The following ROBO2 variants were observed in gnomAD, a reference collection of about 807,000 sequenced individuals.
The protein encoded by ROBO2 is roundabout homolog 2.
A neutral mutation model predicts 160.8 loss-of-function variants in ROBO2; 53 were observed. That is an observed-to-expected ratio of 0.33 (90% CI 0.26 to 0.41). The LOEUF (loss-of-function observed/expected upper bound fraction) is 0.41, where lower values mean the gene tolerates loss of function less well. Among genes scored for constraint, ROBO2 ranks in the 10% least tolerant of loss-of-function variants. The probability of loss-of-function intolerance (pLI) is 1.00; values close to 1 mark genes in which losing one functional copy is unlikely to be tolerated. For synonymous variants in ROBO2, 664 were observed against 611.7 expected, an observed-to-expected ratio of 1.09 and a Z score of -1.26; for missense variants, 1,577 against 1,722.4, an observed-to-expected ratio of 0.92 and a Z score of 1.49.
intron 2 of ROBO2, among the ~76,000 whole-genome samples, chr3:77,105,265 T>C (rs1442671625): frequency 6.6e-6 from 1 of 152,238 alleles, no homozygotes; most frequent in Non-Finnish European, 1.5e-5. Flanking sequence ...TCAACTTAAA[T>C]GCAAACTCCG....
rs530561660 is a variant in ROBO2 at position 77,106,890 on chromosome 3, C to T, written c.388+8550C>T. Among the ~76,000 whole-genome samples the T allele has an allele frequency of 8.5e-5, 13 of 152,314 alleles. No individual in the cohort carries two copies. The South Asian group carries it at 2.5e-3, about 29-fold the overall frequency. On this transcript the variant is annotated intron_variant, in intron 2 of 25. Transcript: ENST00000461745. The stretch of plus-strand genomic sequence containing the variant: ...ACTCTATGAAAGCATTACTGAGCCC[C>T]AGGTTGGGTTGTTTCTCTAAACTAT...
chr3:77,624,956 T>C (rs1276433426), intron 23 of ROBO2, among the ~76,000 whole-genome samples: 6 of 152,194 alleles, frequency 3.9e-5, no homozygotes, highest in Non-Finnish European at 8.8e-5. Context: ...TAAGCCTGTA[T>C]GTAAAATTAT....
chr3:76,982,359 C>T (rs1275857594), intron 2 of ROBO2, among the ~76,000 whole-genome samples: 3 of 152,114 alleles, frequency 2.0e-5, no homozygotes, highest in African/African-American at 4.8e-5. Flanking sequence ...TACTATTGCA[C>T]CATTGTTGAA....
intron 2 of ROBO2, among the ~76,000 whole-genome samples, chr3:76,553,840 T>C (rs769789901): frequency 6.6e-6 from 1 of 152,162 alleles, no homozygotes; most frequent in Non-Finnish European, 1.5e-5. Context: ...GCAATGAAAT[T>C]GTGTATCAGC....
At chr3:77,493,534 T>G (rs1227988061) in intron 5 of ROBO2, 152 bp downstream of exon 5, 1 of 838,130 alleles carries the variant, frequency 1.2e-6, no homozygotes, top group Non-Finnish European at 2.0e-6. Context: ...TATTTACTGT[T>G]TGTATGTTAA....
chr3:76,175,891 G>A (rs2073212011), intron 2 of ROBO2, among the ~76,000 whole-genome samples: 1 of 152,044 alleles, frequency 6.6e-6, no homozygotes, highest in Admixed American at 6.6e-5. Context: ...CTCATCCTAT[G>A]TAGTTTTTCT....
chr3:76,033,734 G>A (rs1358664708), intron 2 of ROBO2, among the ~76,000 whole-genome samples: 3 of 152,188 alleles, frequency 2.0e-5, no homozygotes, highest in African/African-American at 7.2e-5. Flanking sequence ...GGCTGGGACA[G>A]CTCACCTGGA....
Position 76,579,081 on chromosome 3 carries a change from C to T in ROBO2, c.110-518933C>T, listed in dbSNP as rs545302512. Reference sequence around the variant, plus strand: ...TACTTCGATCATTTTGGATTTCTTCCTGGACCACTAACTTTGCTCCCTATA... The same window carrying T: ...TACTTCGATCATTTTGGATTTCTTCTTGGACCACTAACTTTGCTCCCTATA... On this transcript the variant is annotated intron_variant, in intron 2 of 26. Coordinates refer to the ROBO2 transcript ENST00000487694. Among the ~76,000 whole-genome samples, 10 of 152,234 alleles carry T rather than the reference C, an allele frequency of 6.6e-5. No homozygotes were observed. In the South Asian group the frequency reaches 2.1e-3, roughly 32 times the overall value.
rs192160000 is a variant in ROBO2, at chr3:77,324,905, A to G, written c.389-152509A>G. On this transcript the variant is annotated intron_variant, in intron 2 of 25. Coordinates refer to ENST00000461745, the Ensembl canonical transcript of ROBO2. ...CAGAAATAGAAAAACTCTAACAAGA[A>G]CCTCAGATTCAGCCAATGTGCCACC... Among the ~76,000 whole-genome samples the G allele has an allele frequency of 2.8e-4, 42 of 152,282 alleles. No individual in the cohort carries two copies. The East Asian group carries it at 7.7e-3, about 28-fold the overall frequency.
chr3:76,176,855 T>G (rs2107061609), intron 2 of ROBO2, among the ~76,000 whole-genome samples: 1 of 152,194 alleles, frequency 6.6e-6, no homozygotes, highest in East Asian at 1.9e-4. Flanking sequence ...GTCATTTCCG[T>G]TTTATAGTAG....
rs1581772090 is a variant in ROBO2, at chr3:77,416,597, A to T, written c.389-60817A>T. On this transcript the variant is annotated intron_variant, in intron 2 of 25. Transcript: ENST00000461745. ...CCAGGTGCAGTGGCAGGTGCCTGTA[A>T]TCCCAGCTACTCAGGAGGCTGAGGC... is the stretch of plus-strand genomic sequence containing the variant. Among the ~76,000 whole-genome samples, 8 of 151,758 alleles carry T rather than the reference A, an allele frequency of 5.3e-5. No homozygotes were observed. The South Asian group carries it at 1.7e-3, about 32-fold the overall frequency.
At chr3:76,269,541 ATACC>A (rs919700291) in intron 2 of ROBO2, among the ~76,000 whole-genome samples, 1 of 151,850 alleles carries the variant, frequency 6.6e-6, no homozygotes, top group African/African-American at 2.4e-5. Context: ...TCAGTTACAC[ATACC>A]TTTTATAGCA....
chr3:77,295,953 T>C (rs1433571450), intron 2 of ROBO2, among the ~76,000 whole-genome samples: 1 of 84,422 alleles, frequency 1.2e-5, no homozygotes, highest in Non-Finnish European at 2.8e-5. Context: ...GTTAAACGGG[T>C]AAGCTGAGGC....
intron 2 of ROBO2, among the ~76,000 whole-genome samples, chr3:76,665,253 A>C (rs1247128580): frequency 6.6e-6 from 1 of 152,174 alleles, no homozygotes; most frequent in African/African-American, 2.4e-5. Flanking sequence ...GATAACATCC[A>C]ACTAACAAAA....
At chr3:76,412,375 A>G (rs2075535748) in intron 2 of ROBO2, among the ~76,000 whole-genome samples, 1 of 152,098 alleles carries the variant, frequency 6.6e-6, no homozygotes, top group Non-Finnish European at 1.5e-5. Flanking sequence ...TTCAAAACCA[A>G]TCATGCCTTC....
At chr3:77,140,305 C>A (rs1470229782) in intron 2 of ROBO2, among the ~76,000 whole-genome samples, 1 of 152,060 alleles carries the variant, frequency 6.6e-6, no homozygotes, top group Non-Finnish European at 1.5e-5. Context: ...AAAATAATAA[C>A]TAGATTCTGG....
intron 2 of ROBO2, among the ~76,000 whole-genome samples, chr3:77,217,012 G>C (rs1010737466): frequency 1.3e-5 from 2 of 152,026 alleles, no homozygotes; most frequent in African/African-American, 4.8e-5. Context: ...GAGCTTCAAG[G>C]GACAGGACAG....
Position 77,181,544 on chromosome 3 carries a change from TACTGTCTCACAC to T in ROBO2, c.388+83207_388+83218del, listed in dbSNP as rs558013990. Among the ~76,000 whole-genome samples the T allele has an allele frequency of 5.9e-5, 9 of 152,226 alleles. No homozygotes were observed. The East Asian group carries it at 1.7e-3, about 29-fold the overall frequency. On this transcript the variant is annotated intron_variant, in intron 2 of 25. Coordinates refer to ENST00000461745, the Ensembl canonical transcript of ROBO2. ...ATCAAGAGATAAGTATAATAGCTAG[TACTGTCTCACAC>T]ACGCCTAGGATCCCTTAGATGTGTA...
intron 2 of ROBO2, among the ~76,000 whole-genome samples, chr3:77,357,109 C>A (rs1015617835): frequency 1.3e-5 from 2 of 152,068 alleles, no homozygotes; most frequent in Non-Finnish European, 2.9e-5. Flanking sequence ...TTTGCAAGGG[C>A]CTTTCGTGTA....
Sources: allele counts gnomAD v4.1 joint callset (sites outside exome capture counted in the v4.1 genomes callset), GRCh38; gene constraint gnomAD v4.1.1; transcripts MANE v1.5; gene names NCBI Gene and HGNC (gene_info 2026-07-23, HGNC 2026-07-21).